Variants in POMC observed in about 807,000 individuals in gnomAD.
POMC encodes proopiomelanocortin, also known as pro-opiomelanocortin.
In POMC, 19 loss-of-function variants were observed where a neutral mutation model predicts 18.5. That is an observed-to-expected ratio of 1.03 (90% CI 0.72 to 1.51). The LOEUF is 1.51. Ranked by LOEUF, POMC falls within the 40% of genes most tolerant of loss-of-function variation. The pLI is 0.00. For synonymous variants in POMC, 179 were observed against 161.9 expected, an observed-to-expected ratio of 1.11 and a Z score of -0.80; for missense variants, 451 against 379.0, an observed-to-expected ratio of 1.19 and a Z score of -1.58.
At chr2:25,164,842 G>A in intron 1 of POMC, 50 bp from the exon 2 acceptor site, 3 of 1,601,484 alleles carry the variant, frequency 1.9e-6, no homozygotes, top group Non-Finnish European at 2.6e-6. Flanking sequence ...GCAAAACAAT[G>A]TTGGCCACTC....
chr2:25,161,913 G>A lies in POMC; in HGVS notation c.133-161C>T, dbSNP rs1671404940. 6.6e-6 allele frequency among the ~76,000 whole-genome samples: 1 copy of A among 152,182 alleles called. No homozygotes were observed. Among genetic ancestry groups the A allele is most frequent in the Admixed American group, 6.5e-5 (1 of 15,284 alleles). ...AGCGTCGAGGCCTCCCTACAGAGCAGGTCTGCCCACCTGCTTTCTTGGCAC... is the reference window on the plus strand; with the variant it reads ...AGCGTCGAGGCCTCCCTACAGAGCAAGTCTGCCCACCTGCTTTCTTGGCAC... On this transcript the variant is annotated intron_variant, in intron 2 of 2. Transcript: ENST00000395826. This position sits in a 1 kb window ranked among gnomAD's most constrained non-coding sequence, Gnocchi z 5.7.
intron 1 of POMC, among the ~76,000 whole-genome samples, chr2:25,167,138 G>C (rs1010869081): frequency 1.3e-5 from 2 of 152,122 alleles, no homozygotes; most frequent in Non-Finnish European, 2.9e-5. Context: ...ATGACCTTTT[G>C]TAAAGATTAG....
Position 25,168,484 on chromosome 2 carries a change from C to G in POMC, c.-21+14G>C, listed in dbSNP as rs777610167. On this transcript the variant is annotated intron_variant, in intron 1 of 2. Coordinates refer to ENST00000395826, the MANE Select transcript of POMC (RefSeq NM_000939.4). This position sits in a 1 kb window ranked among gnomAD's most constrained non-coding sequence, Gnocchi z 5.2. ...CCGGGGAAAGAGCACGGGTCCCCCA[C>G]GCTGCGCCCTTACCTGTCTCGGGAG... is the stretch of plus-strand genomic sequence containing the variant. The G allele has an allele frequency of 6.6e-6, 1 of 152,214 alleles. No homozygotes were observed. The highest frequency in any genetic ancestry group is 1.5e-5 in the Non-Finnish European group (1 of 68,034). The allele number at this position is 152,214 out of a possible 1,614,324, so 9.4% of individuals were successfully genotyped here.
In POMC at chr2:25,161,086, CGCCCTTCTTGTA is replaced by C. The variant is rs948316373; in HGVS notation, c.787_798del (p.Tyr263_Gly266del). ...CCTGGGGCCCCGCTGTGCCCTCACT[CGCCCTTCTTGTA>C]GGCGTTCTTGATGATGGCGTTTTTG... On this transcript the variant is annotated inframe_deletion, in exon 3 of 3. Transcript: ENST00000395826. The surrounding 1 kb of genome is among the most constrained non-coding windows in gnomAD (Gnocchi z 5.7). 6.2e-7 allele frequency: 1 copy of C among 1,613,906 alleles called. No homozygotes were observed. The highest frequency in any genetic ancestry group is 1.3e-5 in the African/African-American group (1 of 74,892).
At chr2:25,164,620 T>C in intron 2 of POMC, 21 bp downstream of exon 2, 1 of 1,613,958 alleles carries the variant, frequency 6.2e-7, no homozygotes, top group Non-Finnish European at 8.5e-7. Flanking sequence ...TAAGCCAAGA[T>C]GGCAGTCATG....
chr2:25,164,354 A>G (rs1671484370), intron 2 of POMC, among the ~76,000 whole-genome samples: 1 of 152,174 alleles, frequency 6.6e-6, no homozygotes, highest in Non-Finnish European at 1.5e-5. Context: ...TTGCTCTTAT[A>G]GCACCATCTC....
rs1459227066 is a variant in POMC at position 25,161,778 on chromosome 2, G to A, written c.133-26C>T. 4 of 1,569,806 alleles carry A rather than the reference G, an allele frequency of 2.5e-6. No homozygotes were observed. The highest frequency in any genetic ancestry group is 3.4e-6 in the Non-Finnish European group (4 of 1,159,520). The stretch of plus-strand genomic sequence containing the variant: ...CTGGGGGAAGACGCGAGGGCATGAG[G>A]GCAGCCCGTGCCCCGCACCCCGGCC... On this transcript the variant is annotated intron_variant, in intron 2 of 2. Transcript: ENST00000395826. The surrounding 1 kb of genome is among the most constrained non-coding windows in gnomAD (Gnocchi z 5.7).
At position 25,161,023 on chromosome 2, in the gene POMC, C is replaced by G; in HGVS notation, c.*58G>C. 6.2e-7 allele frequency: 1 copy of G among 1,610,780 alleles called. No individual in the cohort carries two copies. Among genetic ancestry groups the G allele is most frequent in the South Asian group, 1.1e-5 (1 of 90,944 alleles). On this transcript the variant is annotated 3_prime_UTR_variant, in exon 3 of 3. Transcript: ENST00000395826. The surrounding 1 kb of genome is among the most constrained non-coding windows in gnomAD (Gnocchi z 5.7). ...GAGGCGGCAGCAGGGCAGGGGAGAG[C>G]AAGGGGCTTTGGGGTCGACCTCCTG...
In POMC at chr2:25,160,962, A is replaced by T. The variant is rs1671324892; in HGVS notation, c.*119T>A. On this transcript the variant is annotated 3_prime_UTR_variant, in exon 3 of 3. Coordinates refer to ENST00000395826, the MANE Select transcript of POMC (RefSeq NM_000939.4). ...TTATTTCCTAACTACAGGCAGCTTT[A>T]AGAGGCTGATTATCTGCCACGACCC... is the stretch of plus-strand genomic sequence containing the variant. 1.3e-6 allele frequency: 2 copies of T among 1,502,026 alleles called. No homozygotes were observed. The highest frequency in any genetic ancestry group is 2.8e-5 in the African/African-American group (2 of 71,422). The allele number at this position is 1,502,026 out of a possible 1,614,324, so 93.0% of individuals were successfully genotyped here.
At position 25,161,453 on chromosome 2, in the gene POMC, G is replaced by T. The variant is rs2149219549; in HGVS notation, c.432C>A (p.Phe144Leu). 6.2e-7 allele frequency: 1 copy of T among 1,610,146 alleles called. No individual in the cohort carries two copies. Among genetic ancestry groups the T allele is most frequent in the East Asian group, 2.2e-5 (1 of 44,836 alleles). Residue 144 changes from phenylalanine (F) to leucine (L), a missense_variant, in exon 3 of 3, where the codon TTC (phenylalanine) becomes TTA (leucine). Transcript: ENST00000395826. This position sits in a 1 kb window ranked among gnomAD's most constrained non-coding sequence, Gnocchi z 5.7. ...EGKRSYSMEH[F>L]RWGKPVGKKR... ...TCTTGCCCACCGGCTTGCCCCAGCG[G>T]AAGTGCTCCATGGAGTAGGAGCGCT...
At position 25,168,154 on chromosome 2, in the gene POMC, C is replaced by CAAAAAAAA. The variant is rs376657620; in HGVS notation, c.-21+336_-21+343dup. 2.4e-5 allele frequency among the ~76,000 whole-genome samples: 3 copies of CAAAAAAAA among 125,038 alleles called. No individual in the cohort carries two copies. Among genetic ancestry groups the CAAAAAAAA allele is most frequent in the African/African-American group, 8.9e-5 (3 of 33,826 alleles). The allele number at this position is 125,038 out of a possible 152,430, so 82.0% of individuals were successfully genotyped here. On this transcript the variant is annotated intron_variant, in intron 1 of 2. Coordinates refer to ENST00000395826, the MANE Select transcript of POMC (RefSeq NM_000939.4). This position sits in a 1 kb window ranked among gnomAD's most constrained non-coding sequence, Gnocchi z 5.2. Reference sequence around the variant, plus strand: ...GGGCAACAAGAGCGAAACTCCGTCTCAAAAAAAAAAAAAAAGACCGGGTTG... The same window carrying CAAAAAAAA: ...GGGCAACAAGAGCGAAACTCCGTCTCAAAAAAAAAAAAAAAAAAAAAAAGACCGGGTTG...
intron 2 of POMC, 121 bp downstream of exon 2, chr2:25,164,520 G>A: frequency 6.6e-6 from 10 of 1,514,342 alleles, no homozygotes; most frequent in Non-Finnish European, 1.8e-6. Flanking sequence ...TCCTGCCCTG[G>A]ATTGAATCAC....
chr2:25,164,137 C>G (rs1487967080), intron 2 of POMC, among the ~76,000 whole-genome samples: 1 of 149,822 alleles, frequency 6.7e-6, no homozygotes, highest in African/African-American at 2.5e-5. Flanking sequence ...AGACATTTGG[C>G]ACCAATTAAA....
chr2:25,163,906 T>A (rs1211839677), intron 2 of POMC, among the ~76,000 whole-genome samples: 1 of 152,222 alleles, frequency 6.6e-6, no homozygotes, highest in East Asian at 1.9e-4. Context: ...ATTACAGCCA[T>A]GAGCCATCTC....
Position 25,160,868 on chromosome 2 carries a change from CTACGT to C in POMC, c.*208_*212del. On this transcript the variant is annotated 3_prime_UTR_variant, in exon 3 of 3. Coordinates refer to ENST00000395826, the MANE Select transcript of POMC (RefSeq NM_000939.4). ...GATCCATGCTGCTGTTATTTGACGG[CTACGT>C]ATTTTTACTTTATTCACACAGTTTA... 2 of 777,294 alleles carry C rather than the reference CTACGT, an allele frequency of 2.6e-6. No individual in the cohort carries two copies. The highest frequency in any genetic ancestry group is 4.0e-6 in the Non-Finnish European group (2 of 500,702). The allele number at this position is 777,294 out of a possible 1,614,324, so 48.1% of individuals were successfully genotyped here.
At chr2:25,163,463 G>A (rs1416648332) in intron 2 of POMC, among the ~76,000 whole-genome samples, 2 of 152,124 alleles carry the variant, frequency 1.3e-5, no homozygotes, top group Non-Finnish European at 2.9e-5. Flanking sequence ...ATGAAAACTG[G>A]TCTGTGTCTT....
chr2:25,161,281 G>C lies in POMC; in HGVS notation c.604C>G (p.Gln202Glu). Residue 202 changes from glutamine (Q) to glutamate (E), a missense_variant, in exon 3 of 3, where the codon CAG becomes GAG. Gln to Glu is a conservative substitution (Grantham distance 29). Coordinates refer to ENST00000395826, the MANE Select transcript of POMC (RefSeq NM_000939.4). The surrounding 1 kb of genome is among the most constrained non-coding windows in gnomAD (Gnocchi z 5.7). Reference protein sequence around the residue: ...DGPADDGAGAQADLEHSLLVA... With the variant: ...DGPADDGAGAEADLEHSLLVA... Reference sequence around the variant, plus strand: ...AGCAGGCTGTGCTCCAGGTCGGCCTGGGCCCCTGCGCCGTCATCGGCAGGG... The same window carrying C: ...AGCAGGCTGTGCTCCAGGTCGGCCTCGGCCCCTGCGCCGTCATCGGCAGGG... 6.2e-7 allele frequency: 1 copy of C among 1,611,350 alleles called. No individual in the cohort carries two copies.
intron 1 of POMC, among the ~76,000 whole-genome samples, chr2:25,166,937 G>T (rs913200452): frequency 2.0e-5 from 3 of 152,178 alleles, no homozygotes; most frequent in African/African-American, 7.2e-5. Context: ...ATCAAATGTT[G>T]TGCTTTTTTA....
Position 25,161,109 on chromosome 2 carries a change from A to T in POMC, c.776T>A (p.Ile259Asn). The T allele has an allele frequency of 6.2e-7, 1 of 1,612,324 alleles. No homozygotes were observed. The highest frequency in any genetic ancestry group is 8.5e-7 in the Non-Finnish European group (1 of 1,179,816). The change falls in exon 3 of 3, where the codon ATC becomes AAC. Residue 259 changes from isoleucine (I) to asparagine (N), a missense_variant. By Grantham distance (149) the Ile-to-Asn change is moderately radical (BLOSUM62 -3). Transcript: ENST00000395826. This position sits in a 1 kb window ranked among gnomAD's most constrained non-coding sequence, Gnocchi z 5.7. ...CTCGCCCTTCTTGTAGGCGTTCTTG[A>T]TGATGGCGTTTTTGAACAGCGTCAC... ...PLVTLFKNAI[I>N]KNAYKKGE
Sources: allele counts gnomAD v4.1 joint callset (sites outside exome capture counted in the v4.1 genomes callset), GRCh38; gene constraint gnomAD v4.1.1; non-coding constraint Gnocchi (gnomAD v3.1); transcripts MANE v1.5; gene names NCBI Gene and HGNC (gene_info 2026-07-23, HGNC 2026-07-21).